The following GBF1 variants were observed in gnomAD, a reference collection of about 807,000 sequenced individuals.
The protein encoded by GBF1 is golgi brefeldin A resistant guanine nucleotide exchange factor 1.
In GBF1, 114 loss-of-function variants were observed where a neutral mutation model predicts 210.5. That is an observed-to-expected ratio of 0.54 (90% confidence interval 0.47 to 0.63). The LOEUF (loss-of-function observed/expected upper bound fraction) is 0.63. Ranked by LOEUF, GBF1 falls within the 30% of genes least tolerant of loss-of-function variation. The pLI is 0.00. For synonymous variants in GBF1, 850 were observed against 889.2 expected (o/e 0.96, Z 0.78); for missense variants, 1,851 against 2,357.7 (o/e 0.79, Z 4.45).
At chr10:102,372,223 A>AT (rs2060252293) in intron 29 of GBF1, among the ~76,000 whole-genome samples, 1 of 150,588 alleles carries the variant, frequency 6.6e-6, no homozygotes, top group African/African-American at 2.4e-5. Flanking sequence ...AAAAAAAAAA[A>AT]GACTTACTCT....
intron 3 of GBF1, among the ~76,000 whole-genome samples, chr10:102,280,458 C>T (rs916933701): frequency 1.3e-5 from 2 of 152,116 alleles, no homozygotes; most frequent in Non-Finnish European, 2.9e-5. Context: ...ACTTGATAGC[C>T]TGATCCTAGT....
At chr10:102,370,356 C>T in intron 27 of GBF1, 28 bp from the exon 28 acceptor site, 1 of 1,553,574 alleles carries the variant, frequency 6.4e-7, no homozygotes, top group African/African-American at 1.4e-5. Flanking sequence ...TTTTCCATGC[C>T]TACTTTCCTG....
At chr10:102,255,677 C>G (rs1337132704) in intron 1 of GBF1, among the ~76,000 whole-genome samples, 1 of 152,110 alleles carries the variant, frequency 6.6e-6, no homozygotes, top group Non-Finnish European at 1.5e-5. Context: ...AAGGGAAATA[C>G]CAGGAAAGAT....
intron 3 of GBF1, among the ~76,000 whole-genome samples, chr10:102,336,385 T>TA (rs1165243317): frequency 6.6e-6 from 1 of 151,828 alleles, no homozygotes; most frequent in Non-Finnish European, 1.5e-5. Flanking sequence ...ACTCTAGAGC[T>TA]AAAAACTAGA....
intron 1 of GBF1, among the ~76,000 whole-genome samples, chr10:102,249,859 T>C (rs1422293374): frequency 6.6e-6 from 1 of 152,010 alleles, no homozygotes; most frequent in Non-Finnish European, 1.5e-5. Flanking sequence ...ACCCAGCTAA[T>C]TTTTGTATTT....
At chr10:102,286,194 G>GTTTTTTTTTTTTTTTTTTTT (rs55904022) in intron 3 of GBF1, among the ~76,000 whole-genome samples, 3 of 126,366 alleles carry the variant, frequency 2.4e-5, no homozygotes, top group African/African-American at 1.0e-4. Context: ...AAGCATAAGG[G>GTTTTTTTTTTTTTTTTTTTT]TTTTTTTTTT....
chr10:102,232,121 GTAATGGGGGTAAAATCT>G, the GBF1 span: 1 of 1,247,106 alleles, frequency 8.0e-7, no homozygotes, highest in Non-Finnish European at 1.1e-6. Context: ...ACAGACCAGG[GTAATGGGGGTAAAATCT>G]CCGGCTTAGC....
intron 3 of GBF1, among the ~76,000 whole-genome samples, chr10:102,293,764 G>GTTTATTTTTTT (rs2076643112): frequency 7.9e-5 from 4 of 50,888 alleles, no homozygotes; most frequent in East Asian, 4.8e-4. Context: ...GCTGTAGTAT[G>GTTTATTTTTTT]TTTTGTGTTT....
rs757568853 is a variant in GBF1, at chr10:102,370,299, A to T, written c.3411+54A>T. 49 of 1,477,096 alleles carry T rather than the reference A, an allele frequency of 3.3e-5. 1 individual carries two copies. Among genetic ancestry groups the T allele is most frequent in the Admixed American group, 1.3e-4 (8 of 59,836 alleles). 91.5% of individuals were successfully genotyped at this position (1,477,096 alleles called of 1,614,324 possible). A position where few individuals can be genotyped will look rare whatever the true frequency, so the allele number is the denominator to read the frequency against. Reference sequence around the variant, plus strand: ...CAACTGGCTGAATCTGGGAGGGGTGACAGGGACAGTATTATTTCTGTCAGG... The same window carrying T: ...CAACTGGCTGAATCTGGGAGGGGTGTCAGGGACAGTATTATTTCTGTCAGG... On this transcript the variant is annotated intron_variant, in intron 27 of 39. Coordinates refer to ENST00000369983, the MANE Select transcript of GBF1 (RefSeq NM_001377137.1).
chr10:102,235,792 G>A, the GBF1 span, among the ~76,000 whole-genome samples: 3 of 152,166 alleles, frequency 2.0e-5, no homozygotes, highest in Non-Finnish European at 2.9e-5. Context: ...TGTTTCCCTG[G>A]TGAATGAAGG....
In GBF1 at chr10:102,382,129, C is replaced by T. The variant is rs372886914; in HGVS notation, c.5376C>T (p.Ser1792=). The change falls in exon 40 of 40, where the codon AGC becomes AGT. Residue 1792 remains serine (S), a synonymous_variant. Coordinates refer to ENST00000369983, the MANE Select transcript of GBF1 (RefSeq NM_001377137.1). ...GATCACCAGTGGCCTCAAGCCCCAG[C>T]AGGCTGAGCCCCACCCCCGACGGGC... is the stretch of plus-strand genomic sequence containing the variant. The part of the protein sequence containing the change: ...SPGSPVASSP[S]RLSPTPDGPP... The T allele has an allele frequency of 1.9e-6, 3 of 1,607,970 alleles. No individual in the cohort carries two copies. The highest frequency in any genetic ancestry group is 2.7e-5 in the African/African-American group (2 of 74,832).
At chr10:102,361,195 C>T (rs2059583545) in intron 13 of GBF1, 75 bp downstream of exon 13, 4 of 818,126 alleles carry the variant, frequency 4.9e-6, no homozygotes, top group South Asian at 4.0e-5. Context: ...GGGGCCAGCT[C>T]TATCATGCTA....
At chr10:102,272,934 GT>G (rs1018283809) in intron 3 of GBF1, among the ~76,000 whole-genome samples, 1 of 152,156 alleles carries the variant, frequency 6.6e-6, no homozygotes, top group African/African-American at 2.4e-5. Flanking sequence ...TTTGGCCAGT[GT>G]GCGTCCCCTT....
chr10:102,303,165 T>G (rs2077539072), intron 3 of GBF1, among the ~76,000 whole-genome samples: 1 of 152,022 alleles, frequency 6.6e-6, no homozygotes, highest in South Asian at 2.1e-4. Flanking sequence ...TTTTTGTATT[T>G]TAGGTAGAGA....
At chr10:102,234,651 A>C in the GBF1 span, among the ~76,000 whole-genome samples, 1 of 152,160 alleles carries the variant, frequency 6.6e-6, no homozygotes, top group Non-Finnish European at 1.5e-5. Context: ...CATACCCCTT[A>C]CTTCATACCC....
chr10:102,265,307 T>A (rs1317018477), intron 3 of GBF1, among the ~76,000 whole-genome samples: 1 of 152,192 alleles, frequency 6.6e-6, no homozygotes, highest in Non-Finnish European at 1.5e-5. Flanking sequence ...TTGTCCTTGG[T>A]CTTTAAACTT....
chr10:102,366,584 CT>C lies in GBF1; in HGVS notation c.2433+98del, dbSNP rs397968996. On this transcript the variant is annotated intron_variant, in intron 19 of 39. Coordinates refer to ENST00000369983, the MANE Select transcript of GBF1 (RefSeq NM_001377137.1). This position sits in a 1 kb window ranked among gnomAD's most constrained non-coding sequence, Gnocchi z 4.0. ...GGGCTGAAGAATCCAGCTGCTGTCT[CT>C]TTTTTTTTTTTTTTTTTTTGAGACA... The C allele has an allele frequency of 0.3, 190,527 of 638,212 alleles. 4,278 individuals are homozygous for C. Among genetic ancestry groups the C allele is most frequent in the South Asian group, 0.32 (14,850 of 46,578 alleles). The allele number at this position is 638,212 out of a possible 1,614,324, so 39.5% of individuals were successfully genotyped here.
chr10:102,352,066 T>C (rs2059018055), intron 6 of GBF1, 115 bp downstream of exon 6: 4 of 704,316 alleles, frequency 5.7e-6, no homozygotes, highest in Non-Finnish European at 1.0e-5. Flanking sequence ...ATCATCTATC[T>C]CATGCGATCA....
chr10:102,296,349 G>A (rs1291788527), intron 3 of GBF1, among the ~76,000 whole-genome samples: 1 of 152,174 alleles, frequency 6.6e-6, no homozygotes, highest in Non-Finnish European at 1.5e-5. Context: ...ATAGGTTTGA[G>A]ATTTGTCTTC....
Sources: allele counts gnomAD v4.1 joint callset (sites outside exome capture counted in the v4.1 genomes callset), GRCh38; gene constraint gnomAD v4.1.1; non-coding constraint Gnocchi (gnomAD v3.1); transcripts MANE v1.5; gene names NCBI Gene and HGNC (gene_info 2026-07-23, HGNC 2026-07-21).